The following ATP2B4 variants were observed in gnomAD, a reference collection of about 807,000 sequenced individuals.
The protein encoded by ATP2B4 is ATPase plasma membrane Ca2+ transporting 4.
In ATP2B4, 39 loss-of-function variants were observed where a neutral mutation model predicts 110.3. That is an observed-to-expected ratio of 0.35 (90% CI 0.27 to 0.46). The LOEUF (loss-of-function observed/expected upper bound fraction) is 0.46, where lower values mean the gene tolerates loss of function less well. Ranked by LOEUF, ATP2B4 falls within the 20% of genes least tolerant of loss-of-function variation. The pLI is 1.00. For missense variants in ATP2B4, 1,135 were observed against 1,530.9 expected (o/e 0.74, Z 4.32); for synonymous variants, 538 against 571.7 (o/e 0.94, Z 0.84).
Position 203,710,903 on chromosome 1 carries a change from G to C in ATP2B4, c.1826G>C (p.Gly609Ala), listed in dbSNP as rs560106319. 51 of 1,613,894 alleles carry C rather than the reference G, an allele frequency of 3.2e-5. No individual in the cohort carries two copies. The East Asian group carries it at 1.1e-3, about 35-fold the overall frequency. Residue 609 changes from glycine (G) to alanine (A), a missense_variant, in exon 12 of 21, where the codon GGG (glycine) becomes GCG (alanine). Physicochemically the swap from Gly to Ala is moderately conservative, Grantham distance 60. This residue lies in a region of ATP2B4 where 368 missense variants were observed against 455.9 expected (regional missense o/e 0.81). Transcript: ENST00000357681. ...RKCNRILDRK[G>A]EAVPFKNKDR... Reference sequence around the variant, plus strand: ...TGTAATCGAATCCTGGACCGGAAAGGGGAAGCAGTGCCATTCAAGAATAAA... The same window carrying C: ...TGTAATCGAATCCTGGACCGGAAAGCGGAAGCAGTGCCATTCAAGAATAAA...
Position 203,698,222 on chromosome 1 carries a change from C to A in ATP2B4, c.259C>A (p.Pro87Thr), listed in dbSNP as rs138303385. Residue 87 changes from proline (P) to threonine (T), a missense_variant, in exon 3 of 21, where the codon CCC becomes ACC. By Grantham distance (38) the Pro-to-Thr change is conservative (BLOSUM62 -1). Around this residue, in one of 9 missense-constraint regions of ATP2B4, gnomAD observed 122 missense variants for 125.2 expected, o/e 0.97. Transcript: ENST00000357681. ...GGTGTTTGGACACAACGTGATCCCC[C>A]CCAAAAAGCCCAAGACTTTCTTAGA... ...RQVFGHNVIPPKKPKTFLELV... is the reference protein window; with the variant it reads ...RQVFGHNVIPTKKPKTFLELV... 6.2e-7 allele frequency: 1 copy of A among 1,614,156 alleles called. No individual in the cohort carries two copies.
chr1:203,682,167 G>A (rs1665035563), intron 1 of ATP2B4, among the ~76,000 whole-genome samples: 1 of 152,124 alleles, frequency 6.6e-6, no homozygotes, highest in South Asian at 2.1e-4. Context: ...CATACACCTG[G>A]AGGCTGAGTA....
intron 20 of ATP2B4, among the ~76,000 whole-genome samples, chr1:203,736,803 C>A (rs1454803449): frequency 6.6e-6 from 1 of 152,160 alleles, no homozygotes; most frequent in East Asian, 1.9e-4. Context: ...GAGATGCCAG[C>A]CCTGGGTGGA....
intron 7 of ATP2B4, among the ~76,000 whole-genome samples, chr1:203,702,459 G>T (rs1016939637): frequency 1.3e-5 from 2 of 152,118 alleles, no homozygotes; most frequent in African/African-American, 4.8e-5. Context: ...GAGGGAGGTG[G>T]GGTGGGTAGT....
chr1:203,667,544 T>C (rs1405696921), intron 1 of ATP2B4, among the ~76,000 whole-genome samples: 1 of 152,116 alleles, frequency 6.6e-6, no homozygotes, highest in Admixed American at 6.5e-5. Flanking sequence ...TTACACCAAC[T>C]TTTTTTTCTT....
At chr1:203,737,768 G>A (rs980789718) in intron 20 of ATP2B4, among the ~76,000 whole-genome samples, 1 of 152,184 alleles carries the variant, frequency 6.6e-6, no homozygotes, top group Non-Finnish European at 1.5e-5. Context: ...TGATACTGTT[G>A]AGTGGCAAGG....
At chr1:203,715,450 G>A (rs142578871) in intron 15 of ATP2B4, among the ~76,000 whole-genome samples, 2,529 of 142,536 alleles carry the variant, frequency 0.018, 282 homozygotes, top group African/African-American at 0.063. Context: ...CTACTCCGGA[G>A]GCTGAGGCAG....
At position 203,683,046 on chromosome 1, in the gene ATP2B4, G is replaced by A. The variant is rs1430573487; in HGVS notation, c.-160G>A. 15 of 715,116 alleles carry A rather than the reference G, an allele frequency of 2.1e-5. No homozygotes were observed. The highest frequency in any genetic ancestry group is 1.1e-4 in the East Asian group (4 of 36,646). The allele number at this position is 715,116 out of a possible 1,614,324, so 44.3% of individuals were successfully genotyped here. ...GGATCTAGACTTCGGACGGCTACTC[G>A]GGAGCTTATTGCACAAGATATATTC... On this transcript the variant is annotated 5_prime_UTR_variant, in exon 2 of 21. Transcript: ENST00000357681.
intron 13 of ATP2B4, 82 bp downstream of exon 13, chr1:203,712,221 G>A (rs1487496778): frequency 6.8e-6 from 10 of 1,460,714 alleles, no homozygotes; most frequent in Middle Eastern, 2.4e-4. Flanking sequence ...GGTCATGTGC[G>A]GGAAGGTGGG....
chr1:203,657,936 G>A (rs960293490), intron 1 of ATP2B4, among the ~76,000 whole-genome samples: 4 of 151,658 alleles, frequency 2.6e-5, no homozygotes, highest in African/African-American at 7.3e-5. Flanking sequence ...ACTCCTGACC[G>A]CAAGTGATCC....
rs767994352 is a variant in ATP2B4, at chr1:203,710,935, G to T, written c.1858G>T (p.Asp620Tyr). The T allele has an allele frequency of 2.5e-6, 4 of 1,614,052 alleles. No individual in the cohort carries two copies. The highest frequency in any genetic ancestry group is 3.4e-6 in the Non-Finnish European group (4 of 1,180,026). ...EAVPFKNKDR[D>Y]DMVRTVIEPM... ...AGTGCCATTCAAGAATAAAGACAGA[G>T]ATGATATGGTACGCACTGTCATCGA... The change falls in exon 12 of 21, where the codon GAT becomes TAT. Residue 620 changes from aspartate (D) to tyrosine (Y), a missense_variant. This residue lies in a region of ATP2B4 where 368 missense variants were observed against 455.9 expected (regional missense o/e 0.81). Coordinates refer to ENST00000357681, the MANE Select transcript of ATP2B4 (RefSeq NM_001684.5).
intron 20 of ATP2B4, among the ~76,000 whole-genome samples, chr1:203,735,068 T>C (rs953824166): frequency 7.5e-6 from 1 of 132,486 alleles, no homozygotes; most frequent in African/African-American, 2.8e-5. Flanking sequence ...GTACGAGAAA[T>C]ATACAAAAGA....
chr1:203,635,473 G>A (rs1663410669), intron 1 of ATP2B4, among the ~76,000 whole-genome samples: 1 of 152,000 alleles, frequency 6.6e-6, no homozygotes, highest in African/African-American at 2.4e-5. Flanking sequence ...TTGTAGAGAT[G>A]GATGACATAG....
rs34964110 is a variant in ATP2B4 at position 203,723,420 on chromosome 1, A to ATCTCTCTCTCTCTCTC, written c.3025-436_3025-421dup. Among the ~76,000 whole-genome samples the ATCTCTCTCTCTCTCTC allele has an allele frequency of 3.5e-3, 156 of 44,546 alleles. 3 individuals carry two copies. Among genetic ancestry groups the ATCTCTCTCTCTCTCTC allele is most frequent in the Middle Eastern group, 0.026 (1 of 38 alleles). 29.2% of individuals were successfully genotyped at this position (44,546 alleles called of 152,430 possible). The stretch of plus-strand genomic sequence containing the variant: ...TTTTTTTTTTTCGTTTGAGACAGAT[A>ATCTCTCTCTCTCTCTC]TCTCTCTCTCTCTCTCTCTCTCTCT... On this transcript the variant is annotated intron_variant, in intron 18 of 20. Coordinates refer to ENST00000357681, the MANE Select transcript of ATP2B4 (RefSeq NM_001684.5).
chr1:203,739,924 T>C lies in ATP2B4; in HGVS notation c.*70T>C. On this transcript the variant is annotated 3_prime_UTR_variant, in exon 21 of 21. Coordinates refer to ENST00000357681, the MANE Select transcript of ATP2B4 (RefSeq NM_001684.5). ...TTCGTCTATCCCATCTATGAGGTGA[T>C]GATGGGACTTTTCATTGTCACGTCA... is the stretch of plus-strand genomic sequence containing the variant. The C allele has an allele frequency of 6.7e-7, 1 of 1,482,836 alleles. No homozygotes were observed. The highest frequency in any genetic ancestry group is 2.3e-5 in the East Asian group (1 of 43,742). 91.9% of individuals were successfully genotyped at this position (1,482,836 alleles called of 1,614,324 possible). A position where few individuals can be genotyped will look rare whatever the true frequency, so the allele number is the denominator to read the frequency against.
Position 203,721,242 on chromosome 1 carries a change from A to G in ATP2B4, c.2644A>G (p.Met882Val). ...GCAGATGTTGTGGGTTAATCTGATC[A>G]TGGACACTTTTGCTTCATTGGCCCT... ...AVQMLWVNLI[M>V]DTFASLALAT... The change falls in exon 17 of 21, where the codon ATG (methionine) becomes GTG (valine). Residue 882 changes from methionine (M) to valine (V), a missense_variant. Met to Val is a conservative substitution (Grantham distance 21). Coordinates refer to ENST00000357681, the MANE Select transcript of ATP2B4 (RefSeq NM_001684.5). 1 of 1,614,212 alleles carries G rather than the reference A, an allele frequency of 6.2e-7. No homozygotes were observed. The highest frequency in any genetic ancestry group is 8.5e-7 in the Non-Finnish European group (1 of 1,180,030).
intron 20 of ATP2B4, chr1:203,733,143 C>A: frequency 7.2e-7 from 1 of 1,398,430 alleles, no homozygotes; most frequent in Non-Finnish European, 9.7e-7. Flanking sequence ...CCCAACCTTC[C>A]ATGACCCTCC....
intron 1 of ATP2B4, among the ~76,000 whole-genome samples, chr1:203,630,998 A>T (rs965833717): frequency 2.0e-5 from 3 of 152,146 alleles, no homozygotes; most frequent in Admixed American, 6.5e-5. Flanking sequence ...TGTTCCACTG[A>T]CTTATTTCCT....
intron 3 of ATP2B4, 109 bp from the exon 4 acceptor site, chr1:203,699,351 A>T: frequency 7.6e-6 from 11 of 1,440,588 alleles, no homozygotes; most frequent in Non-Finnish European, 1.0e-5. Flanking sequence ...ATTTGCTATT[A>T]TTCACTTTTC....
Sources: gnomAD v4.1 joint callset for allele counts (sites outside exome capture counted in the v4.1 genomes callset) on GRCh38, gnomAD v4.1.1 for gene constraint, gnomAD v4.1.1 regional missense constraint, MANE v1.5 for transcripts, NCBI Gene and HGNC (gene_info 2026-07-23, HGNC 2026-07-21) for gene names.